ATG4A: variants seen among roughly 807,000 people sequenced by gnomAD.
ATG4A encodes cysteine protease ATG4A.
A neutral mutation model predicts 38.4 loss-of-function variants in ATG4A; 22 were observed. That is an observed-to-expected ratio of 0.57 (90% confidence interval 0.41 to 0.82). ATG4A has a LOEUF of 0.82. ATG4A is among the 40% of genes least tolerant of loss of function. ATG4A has a pLI of 0.00. For synonymous variants in ATG4A, 86 were observed against 100.7 expected (o/e 0.85, Z 0.88); for missense variants, 220 against 290.0 (o/e 0.76, Z 1.75).
At chrX:108,128,585 G>A (rs756147029) in intron 2 of ATG4A, among the ~76,000 whole-genome samples, 196 bp from the exon 3 acceptor site, 34 of 111,683 alleles carry the variant, frequency 3.0e-4, no homozygotes, top group African/African-American at 1.1e-3. Context: ...CAGTCAAATA[G>A]CTCTGGTCAA....
chrX:108,136,865 A>C (rs1195700474), intron 6 of ATG4A, among the ~76,000 whole-genome samples: 2 of 111,583 alleles, frequency 1.8e-5, no homozygotes, highest in Non-Finnish European at 3.8e-5. Flanking sequence ...GTTGTAAAGC[A>C]GAAACTTCTT....
At chrX:108,091,704 C>T (rs769318521), upstream of ATG4A, 9 of 1,001,299 alleles carry the variant, frequency 9.0e-6, no homozygotes, top group South Asian at 2.0e-5. Context: ...GGCAGGGAGG[C>T]GCCTTTGCTG....
intron 1 of ATG4A, among the ~76,000 whole-genome samples, chrX:108,113,052 C>G (rs1477516265): frequency 9.0e-6 from 1 of 111,463 alleles, no homozygotes; most frequent in Non-Finnish European, 1.9e-5. Context: ...GAATGCTTTT[C>G]AAGGGTCCTG....
chrX:108,108,407 T>C (rs996269115), intron 1 of ATG4A, among the ~76,000 whole-genome samples: 1 of 109,412 alleles, frequency 9.1e-6, no homozygotes, highest in African/African-American at 3.3e-5. Flanking sequence ...TTTTTAGATA[T>C]AGAGGGATAA....
At chrX:108,153,218 G>A in intron 12 of ATG4A, 131 bp downstream of exon 12, 1 of 459,931 alleles carries the variant, frequency 2.2e-6, no homozygotes, top group Non-Finnish European at 3.8e-6. Context: ...TAAAAAAATG[G>A]CACTTCTGGT....
chrX:108,091,587 C>A, upstream of ATG4A: 1 of 1,033,866 alleles, frequency 9.7e-7, no homozygotes, highest in South Asian at 1.9e-5. Context: ...TCCGGCTACG[C>A]CAGTCAAAAC....
intron 6 of ATG4A, among the ~76,000 whole-genome samples, chrX:108,135,464 C>T (rs1005178624): frequency 4.5e-5 from 5 of 111,868 alleles, no homozygotes; most frequent in Non-Finnish European, 9.4e-5. Context: ...GGGAATGTGT[C>T]TGTGAGGACA....
intron 1 of ATG4A, among the ~76,000 whole-genome samples, chrX:108,097,964 T>C (rs1457050302): frequency 8.9e-6 from 1 of 112,400 alleles, no homozygotes; most frequent in African/African-American, 3.2e-5. Context: ...TTTTTTTTTA[T>C]ATACAAGTTT....
chrX:108,116,018 C>T (rs1408344135), intron 1 of ATG4A, among the ~76,000 whole-genome samples: 6 of 112,035 alleles, frequency 5.4e-5, no homozygotes, highest in Non-Finnish European at 9.4e-5. Context: ...CTGCTACATA[C>T]GGTGCACATC....
intron 4 of ATG4A, among the ~76,000 whole-genome samples, chrX:108,132,107 C>T (rs902917475): frequency 1.8e-5 from 2 of 111,559 alleles, no homozygotes; most frequent in African/African-American, 6.5e-5. Flanking sequence ...CCATGTTGGC[C>T]AGGCTGATCT....
In ATG4A at chrX:108,137,814, C is replaced by T; in HGVS notation, c.558C>T (p.Cys186=). ...TVVIEDIKKM[C]RVLPLSADTA... ...TTCTTCCATTTCTAGAAAAAATGTG[C>T]CGTGTCCTTCCCTTGAGTGCTGACA... Residue 186 remains cysteine (C), a synonymous_variant, in exon 8 of 13, where the codon TGC becomes TGT. Coordinates refer to ENST00000372232, the MANE Select transcript of ATG4A (RefSeq NM_052936.5). 1.7e-6 allele frequency: 2 copies of T among 1,159,082 alleles called. No individual in the cohort carries two copies. Among genetic ancestry groups the T allele is most frequent in the Non-Finnish European group, 2.3e-6 (2 of 872,630 alleles).
chrX:108,096,687 GTATGT>G (rs778830866), intron 1 of ATG4A, among the ~76,000 whole-genome samples: 39 of 108,872 alleles, frequency 3.6e-4, no homozygotes, highest in African/African-American at 7.8e-4. Context: ...TTATTTTATT[GTATGT>G]TATGTTATGT....
chrX:108,124,381 A>G (rs1371303206), intron 1 of ATG4A, among the ~76,000 whole-genome samples: 1 of 112,706 alleles, frequency 8.9e-6, no homozygotes, highest in Admixed American at 9.4e-5. Context: ...AAATCCTTGA[A>G]TGACTGGAAT....
At position 108,096,666 on chromosome X, in the gene ATG4A, ATTATT is replaced by A. The variant is rs4036580; in HGVS notation, c.10+4846_10+4850del. Among the ~76,000 whole-genome samples, 19 of 109,717 alleles carry A rather than the reference ATTATT, an allele frequency of 1.7e-4. No individual in the cohort carries two copies. The South Asian group carries it at 5.7e-3, about 33-fold the overall frequency. On this transcript the variant is annotated intron_variant, in intron 1 of 12. Transcript: ENST00000372232. ...AGTATATTTTATTTTATTTTATTTT[ATTATT>A]TTATTTTATTTTATTGTATGTTATG...
chrX:108,095,251 G>T (rs112830854), intron 1 of ATG4A, among the ~76,000 whole-genome samples: 3 of 111,921 alleles, frequency 2.7e-5, no homozygotes, highest in African/African-American at 9.8e-5. Flanking sequence ...TTGAGACAGG[G>T]TCTTCTTCTG....
At chrX:108,148,555 G>A (rs2033497603) in intron 9 of ATG4A, among the ~76,000 whole-genome samples, 2 of 108,766 alleles carry the variant, frequency 1.8e-5, no homozygotes, top group South Asian at 8.2e-4. Flanking sequence ...CACCACCCAT[G>A]GGAAAAGGTC....
Position 108,128,836 on chromosome X carries a change from G to A in ATG4A, c.177G>A (p.Arg59=). ...ISARLWFTYR[R]KFSPIGGTGP... is the part of the protein sequence containing the mutation. The stretch of plus-strand genomic sequence containing the variant: ...CTCGTCTATGGTTTACATACAGAAG[G>A]AAATTTTCACCAATTGGTAGGTAAA... Residue 59 remains arginine, a synonymous_variant, in exon 3 of 13, where the codon AGG becomes AGA. Transcript: ENST00000372232. 1 of 1,183,352 alleles carries A rather than the reference G, an allele frequency of 8.5e-7. No individual in the cohort carries two copies. Among genetic ancestry groups the A allele is most frequent in the Non-Finnish European group, 1.1e-6 (1 of 880,116 alleles).
At chrX:108,091,374 C>G (rs1267634175), upstream of ATG4A, 1 of 1,181,667 alleles carries the variant, frequency 8.5e-7, no homozygotes. Context: ...TCGCCGACGT[C>G]GCCGACTGCG....
chrX:108,096,016 C>T (rs2031806948), intron 1 of ATG4A, among the ~76,000 whole-genome samples: 1 of 112,385 alleles, frequency 8.9e-6, no homozygotes, highest in South Asian at 3.6e-4. Flanking sequence ...AGCCAAATTT[C>T]TCCATATCTT....
Sources: gnomAD v4.1 joint callset for allele counts (sites outside exome capture counted in the v4.1 genomes callset) on GRCh38, gnomAD v4.1.1 for gene constraint, MANE v1.5 for transcripts, NCBI Gene and HGNC (gene_info 2026-07-23, HGNC 2026-07-21) for gene names.